Variants in ERV3-1 observed in about 807,000 individuals in gnomAD.
ERV3-1 encodes endogenous retrovirus group 3 member 1 Env polyprotein.
Under a neutral mutation model 24.6 loss-of-function variants are expected in ERV3-1, and 36 were observed. The observed-to-expected ratio is 1.47, with a 90% CI of 1.12 to 1.94. The LOEUF (loss-of-function observed/expected upper bound fraction) is 1.94. Among genes scored for constraint, ERV3-1 ranks in the 30% most tolerant of loss-of-function variants. The probability of loss-of-function intolerance (pLI) is 0.00; values close to 1 mark genes in which losing one functional copy is unlikely to be tolerated. For synonymous variants in ERV3-1, 211 were observed against 122.6 expected (o/e 1.72, Z -4.76); for missense variants, 578 against 330.9 (o/e 1.75, Z -5.79).
intron 1 of ERV3-1, 151 bp downstream of exon 1, chr7:65,006,382 TGGCTGAAG>T: frequency 1.0e-5 from 13 of 1,241,792 alleles, no homozygotes; most frequent in Non-Finnish European, 9.2e-6. Flanking sequence ...CGCCATCCTA[TGGCTGAAG>T]GGGACTGAGG....
rs753834087 is a variant in ERV3-1, at chr7:64,992,041, G to A, written c.986C>T (p.Ser329Leu). 2.6e-6 allele frequency: 2 copies of A among 766,418 alleles called. No homozygotes were observed. Among genetic ancestry groups the A allele is most frequent in the Admixed American group, 3.4e-5 (2 of 59,022 alleles). The allele number at this position is 766,418 out of a possible 1,614,324, so 47.5% of individuals were successfully genotyped here. A position where few individuals can be genotyped will look rare whatever the true frequency, so the allele number is the denominator to read the frequency against. The change falls in exon 2 of 2, where the codon TCA (serine) becomes TTA (leucine). Residue 329 changes from serine to leucine, a missense_variant. Transcript: ENST00000394323. ...TTTTAAGAACCAGATGCTCTGACTT[G>A]ATGGTGCAGGTTCGAGGGAAGAGGC... is the stretch of plus-strand genomic sequence containing the variant. ...LTASSLEPAPSSQSIWFLKTS... is the reference protein window; with the variant it reads ...LTASSLEPAPLSQSIWFLKTS...
At chr7:64,994,762 C>T (rs1786368495) in intron 1 of ERV3-1, among the ~76,000 whole-genome samples, 3 of 152,220 alleles carry the variant, frequency 2.0e-5, no homozygotes, top group Admixed American at 6.5e-5. Flanking sequence ...TCCGTGTAAA[C>T]ACTGATCTTT....
intron 1 of ERV3-1, among the ~76,000 whole-genome samples, chr7:64,994,270 T>C (rs1237649644): frequency 2.0e-5 from 3 of 152,206 alleles, no homozygotes; most frequent in African/African-American, 7.2e-5. Flanking sequence ...AATGGCGTCC[T>C]AGTAGCGTTT....
chr7:65,002,293 T>C (rs1191118045), intron 1 of ERV3-1, among the ~76,000 whole-genome samples: 1 of 152,204 alleles, frequency 6.6e-6, no homozygotes, highest in East Asian at 1.9e-4. Context: ...AAAAATTAGC[T>C]AAATTTGTCT....
chr7:64,991,979 C>T lies in ERV3-1; in HGVS notation c.1048G>A (p.Gly350Arg), dbSNP rs989169677. Reference protein sequence around the residue: ...IIGKFCIARWGKAFTDPVGEL... With the variant: ...IIGKFCIARWRKAFTDPVGEL... ...CCTACTGGGTCTGTAAAGGCCTTTC[C>T]CCAGCGAGCAATACAGAATTTTCCA... Residue 350 changes from glycine to arginine, a missense_variant, in exon 2 of 2, where the codon GGA becomes AGA. By Grantham distance (125) the Gly-to-Arg change is moderately radical. Coordinates refer to ENST00000394323, the MANE Select transcript of ERV3-1 (RefSeq NM_001007253.4). The T allele has an allele frequency of 2.6e-6, 2 of 766,356 alleles. No homozygotes were observed. The highest frequency in any genetic ancestry group is 4.8e-5 in the East Asian group (2 of 41,240). The allele number at this position is 766,356 out of a possible 1,614,324, so 47.5% of individuals were successfully genotyped here.
intron 1 of ERV3-1, among the ~76,000 whole-genome samples, chr7:64,998,297 C>T (rs527383679): frequency 2.6e-5 from 4 of 152,282 alleles, no homozygotes; most frequent in African/African-American, 9.6e-5. Flanking sequence ...AGAAGCCAGG[C>T]AAGGCTGCAG....
At chr7:65,000,830 T>C (rs1408421145) in intron 1 of ERV3-1, among the ~76,000 whole-genome samples, 2 of 152,088 alleles carry the variant, frequency 1.3e-5, no homozygotes, top group African/African-American at 2.4e-5. Flanking sequence ...AAACAAAATA[T>C]GGTACATAAA....
At chr7:64,996,661 A>T (rs1228245837) in intron 1 of ERV3-1, among the ~76,000 whole-genome samples, 1 of 152,170 alleles carries the variant, frequency 6.6e-6, no homozygotes, top group East Asian at 1.9e-4. Context: ...AATTGGGGAG[A>T]TACAGGAATT....
chr7:65,005,628 A>G (rs1270183409), intron 1 of ERV3-1, among the ~76,000 whole-genome samples: 1 of 152,210 alleles, frequency 6.6e-6, no homozygotes, highest in Non-Finnish European at 1.5e-5. Flanking sequence ...TGTCAGAAGG[A>G]ACTGGAAATT....
chr7:65,004,064 A>G (rs1474835055), intron 1 of ERV3-1: 2 of 152,130 alleles, frequency 1.3e-5, no homozygotes, highest in Non-Finnish European at 2.9e-5. Flanking sequence ...TTAAAAAAAC[A>G]CACCTGGCTG....
At chr7:64,997,787 C>T (rs946420354) in intron 1 of ERV3-1, among the ~76,000 whole-genome samples, 1 of 152,138 alleles carries the variant, frequency 6.6e-6, no homozygotes, top group Non-Finnish European at 1.5e-5. Context: ...GAAAAATGGA[C>T]TGCATCAGAT....
chr7:64,991,547 G>A lies in ERV3-1; in HGVS notation c.1480C>T (p.Pro494Ser), dbSNP rs1316310385. The A allele has an allele frequency of 5.7e-6, 4 of 704,060 alleles. No individual in the cohort carries two copies. In the Admixed American group the frequency reaches 8.0e-5, roughly 14 times the overall value. The allele number at this position is 704,060 out of a possible 1,614,324, so 43.6% of individuals were successfully genotyped here. ...PPERIIQYYGPATWAEDGMWG... is the reference protein window; with the variant it reads ...PPERIIQYYGSATWAEDGMWG... ...ATTCCATCTTCTGCCCAGGTGGCTG[G>A]GCCATAATATTGAATTATTCTTTCA... is the stretch of plus-strand genomic sequence containing the variant. Residue 494 changes from proline to serine, a missense_variant, in exon 2 of 2, where the codon CCA becomes TCA. Physicochemically the swap from Pro to Ser is moderately conservative, Grantham distance 74. Coordinates refer to ENST00000394323, the MANE Select transcript of ERV3-1 (RefSeq NM_001007253.4).
At chr7:65,000,488 G>A (rs1786497721) in intron 1 of ERV3-1, among the ~76,000 whole-genome samples, 1 of 152,156 alleles carries the variant, frequency 6.6e-6, no homozygotes, top group Non-Finnish European at 1.5e-5. Context: ...CTCCCAAAGT[G>A]CTGTGATTAC....
chr7:64,995,804 T>G (rs1584064074), intron 1 of ERV3-1, among the ~76,000 whole-genome samples: 1 of 152,226 alleles, frequency 6.6e-6, no homozygotes, highest in African/African-American at 2.4e-5. Flanking sequence ...AACAGTCCTC[T>G]TGGGTTGGGG....
chr7:64,998,491 T>C (rs1028421329), intron 1 of ERV3-1, among the ~76,000 whole-genome samples: 3 of 152,160 alleles, frequency 2.0e-5, no homozygotes, highest in African/African-American at 7.2e-5. Flanking sequence ...CACAGAGAGT[T>C]CTCAACCTCT....
At position 65,006,686 on chromosome 7, in the gene ERV3-1, A is replaced by T; in HGVS notation, c.-534T>A. On this transcript the variant is annotated 5_prime_UTR_variant, in exon 1 of 2. Transcript: ENST00000394323. ...CCAGAAGCTCCGGCTGCCGCCAGAG[A>T]CAAAGGCCCCACCAAACCCGGAAGC... 2 of 1,450,326 alleles carry T rather than the reference A, an allele frequency of 1.4e-6. No individual in the cohort carries two copies. The highest frequency in any genetic ancestry group is 1.9e-6 in the Non-Finnish European group (2 of 1,040,008). 89.8% of individuals were successfully genotyped at this position (1,450,326 alleles called of 1,614,324 possible).
At chr7:64,996,887 GAGA>G (rs1258924357) in intron 1 of ERV3-1, among the ~76,000 whole-genome samples, 2 of 152,236 alleles carry the variant, frequency 1.3e-5, no homozygotes, top group African/African-American at 4.8e-5. Flanking sequence ...GGGGGCTAAA[GAGA>G]AGGAGCCCAG....
chr7:64,997,664 T>G (rs1786433674), intron 1 of ERV3-1, among the ~76,000 whole-genome samples: 1 of 152,156 alleles, frequency 6.6e-6, no homozygotes, highest in African/African-American at 2.4e-5. Context: ...TGCCTTCTGG[T>G]GCATTGTGTT....
At chr7:65,001,383 G>T (rs1164775401) in intron 1 of ERV3-1, among the ~76,000 whole-genome samples, 2 of 152,180 alleles carry the variant, frequency 1.3e-5, no homozygotes, top group African/African-American at 2.4e-5. Context: ...TCTGGGAATA[G>T]GAATATGTCA....
Sources: allele counts gnomAD v4.1 joint callset (sites outside exome capture counted in the v4.1 genomes callset), GRCh38; gene constraint gnomAD v4.1.1; transcripts MANE v1.5; gene names NCBI Gene and HGNC (gene_info 2026-07-23, HGNC 2026-07-21).